The following UNC13B variants were observed in gnomAD, a reference collection of about 807,000 sequenced individuals.
The protein encoded by UNC13B is protein unc-13 homolog B.
UNC13B carries 144 observed loss-of-function variants against 211.0 expected under a neutral mutation model. The ratio of observed to expected loss-of-function variants is 0.68; its 90% CI spans 0.60 to 0.78. UNC13B has a LOEUF of 0.78. Ranked by LOEUF, UNC13B falls within the 30% of genes least tolerant of loss-of-function variation. UNC13B has a pLI of 0.00. For synonymous variants in UNC13B, 709 were observed against 725.8 expected, an observed-to-expected ratio of 0.98 and a Z score of 0.37; for missense variants, 1,777 against 2,002.0, an observed-to-expected ratio of 0.89 and a Z score of 2.14.
intron 11 of UNC13B, among the ~76,000 whole-genome samples, chr9:35,360,313 AT>A (rs2132117145): frequency 6.6e-6 from 1 of 152,360 alleles, no homozygotes; most frequent in Admixed American, 6.5e-5. Context: ...TGGAACAAGA[AT>A]GTCTGTTAGG....
chr9:35,403,446 C>A lies in UNC13B; in HGVS notation c.12584C>A (p.Ala4195Asp), dbSNP rs745550012. Residue 4195 changes from alanine (A) to aspartate (D), a missense_variant, in exon 39 of 40, where the codon GCT becomes GAT. By Grantham distance (126) the Ala-to-Asp change is moderately radical. Transcript: ENST00000635942. ...GTTTCCCTTGTTTGGGCAGTGGTGG[C>A]TGCCAATGACCTCAAGTGGCAGACA... ...GEHKVTVKVVAANDLKWQTAG... is the reference protein window; with the variant it reads ...GEHKVTVKVVDANDLKWQTAG... 1 of 1,613,520 alleles carries A rather than the reference C, an allele frequency of 6.2e-7. No individual in the cohort carries two copies. The highest frequency in any genetic ancestry group is 1.7e-5 in the Admixed American group (1 of 60,022).
At chr9:35,309,609 A>G (rs1830087730) in intron 9 of UNC13B, among the ~76,000 whole-genome samples, 1 of 152,194 alleles carries the variant, frequency 6.6e-6, no homozygotes, top group Non-Finnish European at 1.5e-5. Context: ...ATTCTCTGCT[A>G]TAACTGCTTT....
intron 8 of UNC13B, among the ~76,000 whole-genome samples, chr9:35,298,554 A>G (rs185655624): frequency 6.6e-6 from 1 of 152,268 alleles, no homozygotes; most frequent in Admixed American, 6.5e-5. Flanking sequence ...TCCTGGGTTC[A>G]AGTGATCCTC....
At chr9:35,192,587 G>T (rs1368020262) in intron 1 of UNC13B, among the ~76,000 whole-genome samples, 1 of 152,166 alleles carries the variant, frequency 6.6e-6, no homozygotes, top group Non-Finnish European at 1.5e-5. Context: ...AACTTGAGGG[G>T]CCCCTGAATA....
chr9:35,221,269 C>A (rs886714540), intron 1 of UNC13B, among the ~76,000 whole-genome samples: 3 of 151,998 alleles, frequency 2.0e-5, no homozygotes, highest in African/African-American at 7.2e-5. Context: ...GAGTTTTCAC[C>A]ATGTTGCCCA....
chr9:35,338,713 C>T (rs1420447535), intron 11 of UNC13B, among the ~76,000 whole-genome samples: 1 of 152,138 alleles, frequency 6.6e-6, no homozygotes, highest in Non-Finnish European at 1.5e-5. Flanking sequence ...TAGATATTGG[C>T]CGCACCCATC....
chr9:35,310,539 C>G lies in UNC13B; in HGVS notation c.9081C>G (p.Asp3027Glu), dbSNP rs1389909049. Residue 3027 changes from aspartate to glutamate, a missense_variant, in exon 10 of 40, where the codon GAC becomes GAG. By Grantham distance (45) the Asp-to-Glu change is conservative (BLOSUM62 2). Coordinates refer to ENST00000635942, the MANE Select transcript of UNC13B (RefSeq NM_001371189.2). ...SQGSSQLSEL[D>E]QYHEQDDDHR... The stretch of plus-strand genomic sequence containing the variant: ...GAAGCTCTCAGCTAAGTGAACTAGA[C>G]CAGTATCACGAACAAGATGACGACC... 1 of 1,614,106 alleles carries G rather than the reference C, an allele frequency of 6.2e-7. No individual in the cohort carries two copies. Among genetic ancestry groups the G allele is most frequent in the Middle Eastern group, 1.6e-4 (1 of 6,062 alleles).
chr9:35,380,775 G>T, intron 18 of UNC13B, 136 bp downstream of exon 18: 2 of 1,183,822 alleles, frequency 1.7e-6, no homozygotes, highest in Non-Finnish European at 1.2e-6. Flanking sequence ...GCAAAGAACT[G>T]ACTGTGGGGA....
intron 1 of UNC13B, among the ~76,000 whole-genome samples, chr9:35,225,699 C>T (rs965023589): frequency 2.0e-5 from 3 of 151,766 alleles, no homozygotes; most frequent in Admixed American, 6.6e-5. Flanking sequence ...TAATTGTTGG[C>T]GGAGGCTGTG....
chr9:35,319,722 A>G (rs766703243), intron 11 of UNC13B, among the ~76,000 whole-genome samples: 3 of 151,910 alleles, frequency 2.0e-5, no homozygotes, highest in Admixed American at 2.0e-4. Flanking sequence ...GTGCACGGGC[A>G]TGATCACAGC....
At chr9:35,178,824 G>T (rs1236184947) in intron 1 of UNC13B, among the ~76,000 whole-genome samples, 1 of 149,204 alleles carries the variant, frequency 6.7e-6, no homozygotes, top group Non-Finnish European at 1.5e-5. Flanking sequence ...GGAGGCGGAG[G>T]TTGCAGTGAG....
intron 19 of UNC13B, 133 bp from the exon 20 acceptor site, chr9:35,381,423 G>T: frequency 8.5e-7 from 1 of 1,179,178 alleles, no homozygotes. Context: ...GCCACAGGAG[G>T]AACTGAGCAA....
intron 34 of UNC13B, 27 bp downstream of exon 34, chr9:35,399,311 C>G: frequency 6.2e-7 from 1 of 1,614,164 alleles, no homozygotes; most frequent in Non-Finnish European, 8.5e-7. Flanking sequence ...CCACTTCCTC[C>G]TGCTGTCTCC....
At chr9:35,403,368 G>T (rs938848382) in intron 38 of UNC13B, 72 bp from the exon 39 acceptor site, 34 of 1,603,580 alleles carry the variant, frequency 2.1e-5, no homozygotes, top group African/African-American at 4.0e-5. Flanking sequence ...TCCTCCAAGG[G>T]GAAGGTCACC....
chr9:35,262,935 A>G (rs1405746643), intron 7 of UNC13B, among the ~76,000 whole-genome samples: 2 of 152,252 alleles, frequency 1.3e-5, no homozygotes, highest in East Asian at 1.9e-4. Context: ...CCTGTCTCAA[A>G]AAAAACCAAA....
Position 35,305,687 on chromosome 9 carries a change from A to G in UNC13B, c.6283A>G (p.Lys2095Glu). 1 of 399,032 alleles carries G rather than the reference A, an allele frequency of 2.5e-6. No homozygotes were observed. The highest frequency in any genetic ancestry group is 1.3e-4 in the South Asian group (1 of 7,856). 24.7% of individuals were successfully genotyped at this position (399,032 alleles called of 1,614,324 possible). ...PNSSFSTSSL[K>E]ESSRESSVET... ...TTCATCTTTTTCAACAAGTAGTCTC[A>G]AAGAGTCTTCCAGGGAGTCTTCAGT... is the stretch of plus-strand genomic sequence containing the variant. The change falls in exon 9 of 40, where the codon AAA becomes GAA. Residue 2095 changes from lysine (K) to glutamate (E), a missense_variant. Coordinates refer to ENST00000635942, the MANE Select transcript of UNC13B (RefSeq NM_001371189.2).
chr9:35,290,821 G>A (rs576266491), intron 7 of UNC13B, among the ~76,000 whole-genome samples: 3 of 152,252 alleles, frequency 2.0e-5, no homozygotes, highest in African/African-American at 7.2e-5. Flanking sequence ...TTGTTGTTCT[G>A]TGGGTTTTTT....
At chr9:35,258,811 A>G (rs1404861110) in intron 6 of UNC13B, among the ~76,000 whole-genome samples, 182 bp from the exon 7 acceptor site, 2 of 152,238 alleles carry the variant, frequency 1.3e-5, no homozygotes, top group East Asian at 1.9e-4. Context: ...GCCATAACCA[A>G]TAGTCTGGCC....
intron 13 of UNC13B, 93 bp from the exon 14 acceptor site, chr9:35,375,034 A>G (rs1332943126): frequency 2.5e-6 from 3 of 1,215,894 alleles, no homozygotes; most frequent in East Asian, 2.3e-5. Flanking sequence ...GTAGTAAGCT[A>G]TAGTCAAGTG....
Sources: allele counts gnomAD v4.1 joint callset (sites outside exome capture counted in the v4.1 genomes callset), GRCh38; gene constraint gnomAD v4.1.1; transcripts MANE v1.5; gene names NCBI Gene and HGNC (gene_info 2026-07-23, HGNC 2026-07-21).